MIB1: variants seen among roughly 807,000 people sequenced by gnomAD.
The protein encoded by MIB1 is E3 ubiquitin-protein ligase MIB1.
A neutral mutation model predicts 124.5 loss-of-function variants in MIB1; 278 were observed. That is an observed-to-expected ratio of 2.23 (90% CI 2.02 to 2.47). The LOEUF (loss-of-function observed/expected upper bound fraction) is 2.47. Among genes scored for constraint, MIB1 ranks in the 30% most tolerant of loss-of-function variants. The pLI, the probability that MIB1 is intolerant of heterozygous loss-of-function variation, is 0.00. For missense variants in MIB1, 957 were observed against 1,254.4 expected, an observed-to-expected ratio of 0.76 and a Z score of 3.58; for synonymous variants, 446 against 429.4, an observed-to-expected ratio of 1.04 and a Z score of -0.48.
intron 10 of MIB1, among the ~76,000 whole-genome samples, chr18:21,811,058 T>C (rs1216866184): frequency 1.3e-5 from 2 of 152,134 alleles, no homozygotes; most frequent in Non-Finnish European, 2.9e-5. Flanking sequence ...AAAACTCCTT[T>C]TGACTTGAAT....
intron 7 of MIB1, among the ~76,000 whole-genome samples, chr18:21,795,653 AAAATG>A (rs764542328): frequency 5.3e-4 from 81 of 152,100 alleles, no homozygotes; most frequent in African/African-American, 1.8e-3. Context: ...CTCAAAGTGG[AAAATG>A]AAATGAAATA....
intron 11 of MIB1, among the ~76,000 whole-genome samples, chr18:21,817,279 G>A (rs2041838990): frequency 6.7e-6 from 1 of 148,446 alleles, no homozygotes. Flanking sequence ...CTCCCGAGTA[G>A]CTGGGACTAC....
intron 12 of MIB1, among the ~76,000 whole-genome samples, chr18:21,823,960 C>T (rs2041902577): frequency 6.6e-6 from 1 of 152,140 alleles, no homozygotes; most frequent in Non-Finnish European, 1.5e-5. Context: ...GCATAATCAG[C>T]ATGTTACTTA....
In MIB1 at chr18:21,779,551, C is replaced by T. The variant is rs373999084; in HGVS notation, c.774C>T (p.Leu258=). The T allele has an allele frequency of 1.1e-5, 17 of 1,613,860 alleles. No homozygotes were observed. The highest frequency in any genetic ancestry group is 8.0e-5 in the African/African-American group (6 of 74,880). ...ACCTGGTAAATATAGATCTCGACCT[C>T]GAAATTGTACAGTCTTTGCAGCATG... ...IGDLVNIDLD[L]EIVQSLQHGH... Residue 258 remains leucine (L), a synonymous_variant, in exon 6 of 21, where the codon CTC becomes CTT. Coordinates refer to ENST00000261537, the MANE Select transcript of MIB1 (RefSeq NM_020774.4).
intron 10 of MIB1, among the ~76,000 whole-genome samples, chr18:21,810,871 A>G (rs945318551): frequency 6.6e-6 from 1 of 152,100 alleles, no homozygotes; most frequent in Non-Finnish European, 1.5e-5. Context: ...ACAAAAGAAA[A>G]ACAGACAAAT....
intron 13 of MIB1, 34 bp downstream of exon 13, chr18:21,838,531 ATT>A: frequency 6.6e-7 from 1 of 1,518,296 alleles, no homozygotes. Context: ...CCTCTTTTTT[ATT>A]TTTTTTTAAA....
In MIB1 at chr18:21,818,082, T is replaced by C. The variant is rs997798794; in HGVS notation, c.1678-1413T>C. On this transcript the variant is annotated intron_variant, in intron 11 of 20. Coordinates refer to ENST00000261537, the MANE Select transcript of MIB1 (RefSeq NM_020774.4). ...AGACTGAGATTGCTAAATTTTAATT[T>C]ACAATTGTTTTACCTTTGGCTAACT... Among the ~76,000 whole-genome samples, 6 of 152,356 alleles carry C rather than the reference T, an allele frequency of 3.9e-5. No individual in the cohort carries two copies. In the East Asian group the frequency reaches 1.2e-3, roughly 29 times the overall value.
intron 12 of MIB1, among the ~76,000 whole-genome samples, chr18:21,836,742 A>G (rs1277965079): frequency 2.0e-5 from 3 of 152,304 alleles, no homozygotes; most frequent in African/African-American, 2.4e-5. Flanking sequence ...TAATACTTGT[A>G]TCTTTTAAAT....
At chr18:21,721,158 A>ATT (rs1400884705) in intron 1 of MIB1, among the ~76,000 whole-genome samples, 1 of 73,082 alleles carries the variant, frequency 1.4e-5, no homozygotes. Context: ...ATTTTAAAGA[A>ATT]GTTTTTTTTT....
chr18:21,810,496 A>G (rs2041760294), intron 10 of MIB1, among the ~76,000 whole-genome samples: 2 of 152,040 alleles, frequency 1.3e-5, no homozygotes, highest in Admixed American at 1.3e-4. Context: ...GACTTACCAC[A>G]AGGCAACAGT....
intron 1 of MIB1, among the ~76,000 whole-genome samples, chr18:21,706,686 G>GGTCCACCAGCAGTGCCA (rs1568172565): frequency 1.3e-5 from 2 of 152,138 alleles, no homozygotes; most frequent in African/African-American, 4.8e-5. Flanking sequence ...GGGTGCCCCG[G>GGTCCACCAGCAGTGCCA]GTCCACCAGC....
At chr18:21,790,035 C>T (rs372001361) in intron 6 of MIB1, among the ~76,000 whole-genome samples, 12 of 152,048 alleles carry the variant, frequency 7.9e-5, no homozygotes, top group African/African-American at 2.7e-4. Context: ...ATGATAGCAG[C>T]GTGGAAAATG....
chr18:21,834,484 A>C (rs778177043), intron 12 of MIB1, among the ~76,000 whole-genome samples: 1 of 152,190 alleles, frequency 6.6e-6, no homozygotes, highest in Non-Finnish European at 1.5e-5. Flanking sequence ...AAATGTTTAC[A>C]TTGGAGAAAC....
At chr18:21,785,505 T>C (rs1297945145) in intron 6 of MIB1, among the ~76,000 whole-genome samples, 4 of 152,220 alleles carry the variant, frequency 2.6e-5, no homozygotes, top group African/African-American at 4.8e-5. Context: ...ACTAAAAGAC[T>C]CTACACTTTT....
chr18:21,711,764 GCTTAC>G (rs2040666685), intron 1 of MIB1, among the ~76,000 whole-genome samples: 1 of 152,044 alleles, frequency 6.6e-6, no homozygotes, highest in Non-Finnish European at 1.5e-5. Context: ...TGTGATTATG[GCTTAC>G]TGCAGCCTCG....
intron 1 of MIB1, among the ~76,000 whole-genome samples, chr18:21,761,711 G>C (rs1033729762): frequency 1.3e-5 from 2 of 152,174 alleles, no homozygotes; most frequent in Non-Finnish European, 2.9e-5. Context: ...GGCAGATGTC[G>C]CTTGTCTGTC....
At chr18:21,801,652 T>G (rs2041651791) in intron 9 of MIB1, among the ~76,000 whole-genome samples, 1 of 152,148 alleles carries the variant, frequency 6.6e-6, no homozygotes. Context: ...ACCTTACATG[T>G]AATTTTTATA....
rs558712787 is a variant in MIB1, at chr18:21,781,019, C to T, written c.908+1334C>T. 2.7e-3 allele frequency among the ~76,000 whole-genome samples: 406 copies of T among 152,196 alleles called. 2 individuals carry two copies. The highest frequency in any genetic ancestry group is 8.7e-3 in the African/African-American group (361 of 41,528). ...AACAGTCTACAGGTGTTCCCCTTTT[C>T]GTGTGTTCTTGTCAGCATCCGAAAA... On this transcript the variant is annotated intron_variant, in intron 6 of 20. Transcript: ENST00000261537.
At chr18:21,784,193 C>T (rs750920294) in intron 6 of MIB1, among the ~76,000 whole-genome samples, 4 of 151,906 alleles carry the variant, frequency 2.6e-5, no homozygotes, top group African/African-American at 9.7e-5. Flanking sequence ...GGACTACAGG[C>T]GCGTGCCACC....
Sources: allele counts gnomAD v4.1 joint callset (sites outside exome capture counted in the v4.1 genomes callset), GRCh38; gene constraint gnomAD v4.1.1; transcripts MANE v1.5; gene names NCBI Gene and HGNC (gene_info 2026-07-23, HGNC 2026-07-21).